The following RNF185 variants were observed in gnomAD, a reference collection of about 807,000 sequenced individuals.
RNF185 encodes the protein ring finger protein 185.
A neutral mutation model predicts 24.9 loss-of-function variants in RNF185; 13 were observed. The ratio of observed to expected loss-of-function variants is 0.52; its 90% CI spans 0.34 to 0.83. RNF185 has a LOEUF of 0.83. RNF185 is among the 40% of genes least tolerant of loss of function. The pLI is 0.01. For missense variants in RNF185, 184 were observed against 244.7 expected, an observed-to-expected ratio of 0.75 and a Z score of 1.65; for synonymous variants, 79 against 90.3, an observed-to-expected ratio of 0.88 and a Z score of 0.71.
chr22:31,168,285 G>A (rs1466982822), intron 1 of RNF185, among the ~76,000 whole-genome samples: 1 of 152,192 alleles, frequency 6.6e-6, no homozygotes, highest in Non-Finnish European at 1.5e-5. Flanking sequence ...CTCCCAAGTA[G>A]CTGGGGTTAT....
chr22:31,174,867 C>T (rs1035322744), intron 1 of RNF185, among the ~76,000 whole-genome samples: 2 of 151,302 alleles, frequency 1.3e-5, no homozygotes, highest in Non-Finnish European at 2.9e-5. Context: ...GTCAGGAGTT[C>T]GAGACCAGCT....
In RNF185 at chr22:31,160,210, C is replaced by T. The variant is rs936755156; in HGVS notation, c.-142C>T. On this transcript the variant is annotated 5_prime_UTR_variant, in exon 1 of 7. Transcript: ENST00000326132. ...TGACTGGAGTCCGCGTAGGAGGGGT[C>T]GGAGGTCTTACCCAACAGATTGACG... 6.6e-6 allele frequency: 1 copy of T among 151,656 alleles called. No individual in the cohort carries two copies. Among genetic ancestry groups the T allele is most frequent in the Non-Finnish European group, 1.5e-5 (1 of 67,892 alleles). The allele number at this position is 151,656 out of a possible 1,614,324, so 9.4% of individuals were successfully genotyped here.
chr22:31,198,458 G>A (rs899187694), intron 5 of RNF185, among the ~76,000 whole-genome samples: 2 of 138,500 alleles, frequency 1.4e-5, no homozygotes, highest in Non-Finnish European at 3.0e-5. Context: ...GAGTGTAGTA[G>A]TGCGATCTCG....
chr22:31,182,435 G>A (rs2089947556), intron 1 of RNF185, among the ~76,000 whole-genome samples: 1 of 151,994 alleles, frequency 6.6e-6, no homozygotes, highest in Non-Finnish European at 1.5e-5. Context: ...CCATAGACAT[G>A]CACCACCACA....
At chr22:31,172,761 A>AG (rs897364459) in intron 1 of RNF185, among the ~76,000 whole-genome samples, 2 of 151,742 alleles carry the variant, frequency 1.3e-5, no homozygotes, top group African/African-American at 4.8e-5. Flanking sequence ...AAAAAAAAAA[A>AG]AAAAAAAGCA....
At chr22:31,177,165 A>G (rs8142479) in intron 1 of RNF185, among the ~76,000 whole-genome samples, 1,675 of 152,146 alleles carry the variant, frequency 0.011, 20 homozygotes, top group Middle Eastern at 0.061. Context: ...GGTACTATGT[A>G]CACACTTCTG....
rs200596962 is a variant in RNF185 at position 31,162,997 on chromosome 22, C to CTCG, written c.-49+2696_-49+2698dup. On this transcript the variant is annotated intron_variant, in intron 1 of 6. Transcript: ENST00000326132. ...GCCAGGATGGTCTTGATCTCCTGAC[C>CTCG]TCGTGATCTGCCCGCCTCAGCCTCC... 8.7e-3 allele frequency among the ~76,000 whole-genome samples: 1,319 copies of CTCG among 152,202 alleles called. 23 individuals are homozygous for CTCG. Among genetic ancestry groups the CTCG allele is most frequent in the African/African-American group, 0.03 (1,263 of 41,520 alleles).
At chr22:31,195,742 A>T (rs570628890) in intron 4 of RNF185, among the ~76,000 whole-genome samples, 161 bp downstream of exon 4, 5 of 152,308 alleles carry the variant, frequency 3.3e-5, no homozygotes, top group Admixed American at 3.3e-4. Flanking sequence ...GAGGGAAGAG[A>T]GGGGATCCAA....
intron 1 of RNF185, among the ~76,000 whole-genome samples, chr22:31,183,353 C>G (rs1287139870): frequency 6.6e-6 from 1 of 151,472 alleles, no homozygotes; most frequent in African/African-American, 2.4e-5. Flanking sequence ...GGTTGTCTTT[C>G]CAAAATCTAT....
At chr22:31,164,327 A>G (rs1923770923) in intron 1 of RNF185, among the ~76,000 whole-genome samples, 1 of 152,196 alleles carries the variant, frequency 6.6e-6, no homozygotes, top group African/African-American at 2.4e-5. Context: ...TTGCAAAAAT[A>G]ATTCACAAAC....
intron 3 of RNF185, among the ~76,000 whole-genome samples, chr22:31,194,980 T>TCTTG (rs1568971504): frequency 6.6e-6 from 1 of 151,510 alleles, no homozygotes; most frequent in Non-Finnish European, 1.5e-5. Context: ...TGAGACAGAG[T>TCTTG]CTTGCTCTGT....
intron 1 of RNF185, among the ~76,000 whole-genome samples, chr22:31,180,137 G>C (rs543208909): frequency 6.6e-6 from 1 of 152,156 alleles, no homozygotes; most frequent in Admixed American, 6.5e-5. Flanking sequence ...GAAATTTTAT[G>C]TATTATTATT....
At chr22:31,182,908 T>TTTTTTATTATTATTA (rs71319169) in intron 1 of RNF185, 1 of 143,052 alleles carries the variant, frequency 7.0e-6, no homozygotes, top group East Asian at 2.0e-4. Flanking sequence ...ATTTATTTTA[T>TTTTTTATTATTATTA]TTATTATTAT....
chr22:31,168,597 G>A (rs1924083344), intron 1 of RNF185, among the ~76,000 whole-genome samples: 1 of 152,168 alleles, frequency 6.6e-6, no homozygotes, highest in Non-Finnish European at 1.5e-5. Flanking sequence ...AGAATTGCTG[G>A]ATCATATGGT....
intron 6 of RNF185, 46 bp from the exon 7 acceptor site, chr22:31,204,443 A>C: frequency 4.9e-6 from 6 of 1,212,760 alleles, no homozygotes; most frequent in Non-Finnish European, 6.1e-6. Context: ...CAGTGTGCAT[A>C]GCTGCAGTGT....
At chr22:31,182,908 T>TTTTTTATTATTA (rs71319169) in intron 1 of RNF185, 15 of 143,060 alleles carry the variant, frequency 1.0e-4, no homozygotes, top group Non-Finnish European at 1.8e-4. Flanking sequence ...ATTTATTTTA[T>TTTTTTATTATTA]TTATTATTAT....
intron 1 of RNF185, among the ~76,000 whole-genome samples, chr22:31,178,611 C>A (rs1208216463): frequency 2.0e-5 from 3 of 152,136 alleles, no homozygotes; most frequent in African/African-American, 7.2e-5. Context: ...TTTGATGGAG[C>A]CCCTTGTTTA....
chr22:31,180,975 G>A (rs964425217), intron 1 of RNF185, among the ~76,000 whole-genome samples: 1 of 150,470 alleles, frequency 6.6e-6, no homozygotes, highest in African/African-American at 2.4e-5. Context: ...GTCTGTCTGT[G>A]TATGGATCCA....
chr22:31,196,948 T>C lies in RNF185; in HGVS notation c.321T>C (p.Pro107=). ...TGQQDPREKT[P]PRPQGQRPEP... ...ATTTCTGTTTCAGAGAGAAGACCCC[T>C]CCTCGTCCTCAAGGACAGAGGCCAG... is the stretch of plus-strand genomic sequence containing the variant. The change falls in exon 5 of 7, where the codon CCT becomes CCC. Residue 107 remains proline (P), a synonymous_variant. Coordinates refer to ENST00000326132, the MANE Select transcript of RNF185 (RefSeq NM_152267.4). 1 of 1,612,256 alleles carries C rather than the reference T, an allele frequency of 6.2e-7. No individual in the cohort carries two copies. The highest frequency in any genetic ancestry group is 8.5e-7 in the Non-Finnish European group (1 of 1,179,406).
Sources: gnomAD v4.1 joint callset for allele counts (sites outside exome capture counted in the v4.1 genomes callset) on GRCh38, gnomAD v4.1.1 for gene constraint, MANE v1.5 for transcripts, NCBI Gene and HGNC (gene_info 2026-07-23, HGNC 2026-07-21) for gene names.